The following SLCO1A2 variants were observed in gnomAD, a reference collection of about 807,000 sequenced individuals.
SLCO1A2 encodes solute carrier organic anion transporter family member 1A2.
In SLCO1A2, 67 loss-of-function variants were observed where a neutral mutation model predicts 69.0. The ratio of observed to expected loss-of-function variants is 0.97; its 90% CI spans 0.80 to 1.19. The LOEUF is 1.19. Ranked by LOEUF, SLCO1A2 falls within the 50% of genes most tolerant of loss-of-function variation. SLCO1A2 has a pLI of 0.00. For missense variants in SLCO1A2, 787 were observed against 793.7 expected, an observed-to-expected ratio of 0.99 and a Z score of 0.10; for synonymous variants, 260 against 265.9, an observed-to-expected ratio of 0.98 and a Z score of 0.22.
intron 2 of SLCO1A2, among the ~76,000 whole-genome samples, chr12:21,350,383 A>T (rs564125276): frequency 2.6e-5 from 4 of 152,262 alleles, no homozygotes; most frequent in African/African-American, 9.6e-5. Context: ...TATTTTATAC[A>T]AATACAATAA....
rs185164011 is a variant in SLCO1A2, at chr12:21,388,476, C to G, written c.-190+6430G>C. Reference sequence around the variant, plus strand: ...TCTGATGATTGTATAAAGGGCAGTTCCTTTGTACTTTTCTCTTGCCTGCCA... The same window carrying G: ...TCTGATGATTGTATAAAGGGCAGTTGCTTTGTACTTTTCTCTTGCCTGCCA... On this transcript the variant is annotated intron_variant, in intron 1 of 15. Coordinates refer to the SLCO1A2 transcript ENST00000307378. Among the ~76,000 whole-genome samples the G allele has an allele frequency of 3.3e-3, 507 of 152,128 alleles. 3 individuals carry two copies. Among genetic ancestry groups the G allele is most frequent in the African/African-American group, 0.011 (463 of 41,480 alleles).
intron 8 of SLCO1A2, among the ~76,000 whole-genome samples, chr12:21,298,380 G>C (rs1296166109): frequency 1.3e-5 from 2 of 152,008 alleles, no homozygotes; most frequent in African/African-American, 2.4e-5. Context: ...AAATGTTCTT[G>C]GTCACACTGC....
At chr12:21,370,109 C>G (rs954528237) in intron 2 of SLCO1A2, among the ~76,000 whole-genome samples, 1 of 152,084 alleles carries the variant, frequency 6.6e-6, no homozygotes, top group Admixed American at 6.5e-5. Context: ...AAACAAATAT[C>G]CTGGATCAGA....
upstream of SLCO1A2, among the ~76,000 whole-genome samples, chr12:21,336,579 T>C (rs1349792133): frequency 1.3e-5 from 2 of 152,060 alleles, no homozygotes; most frequent in African/African-American, 4.8e-5. Context: ...TTCCAACTTA[T>C]ATGATGAAAA....
chr12:21,318,008 G>GAA (rs199577219), intron 3 of SLCO1A2, among the ~76,000 whole-genome samples: 3 of 150,806 alleles, frequency 2.0e-5, no homozygotes, highest in Non-Finnish European at 3.0e-5. Context: ...TCTGTACTTA[G>GAA]AAAAAAAAAT....
intron 2 of SLCO1A2, among the ~76,000 whole-genome samples, chr12:21,359,639 C>T (rs923006387): frequency 3.3e-5 from 5 of 151,852 alleles, no homozygotes; most frequent in African/African-American, 7.2e-5. Context: ...CCCAGCTACT[C>T]GGGAGGCTGA....
intron 1 of SLCO1A2, among the ~76,000 whole-genome samples, chr12:21,387,735 A>G (rs10770804): frequency 0.26 from 39,749 of 152,118 alleles, 5,565 homozygotes; most frequent in East Asian, 0.47. Context: ...TCCCCAATGG[A>G]ATACTGCCTA....
chr12:21,413,390 C>T (rs1016520213), intron 1 of SLCO1A2, among the ~76,000 whole-genome samples: 8 of 151,476 alleles, frequency 5.3e-5, no homozygotes, highest in African/African-American at 7.3e-5. Context: ...TACAGGCGCG[C>T]GCCACCATGC....
At chr12:21,327,393 G>A (rs757221613) in intron 2 of SLCO1A2, among the ~76,000 whole-genome samples, 1 of 152,186 alleles carries the variant, frequency 6.6e-6, no homozygotes, top group Non-Finnish European at 1.5e-5. Context: ...GCTGTGAGAA[G>A]AGGGCCACCA....
chr12:21,356,185 T>G (rs1938350367), intron 2 of SLCO1A2, among the ~76,000 whole-genome samples: 1 of 152,032 alleles, frequency 6.6e-6, no homozygotes, highest in African/African-American at 2.4e-5. Flanking sequence ...TCACCATATA[T>G]TTTTAAATGA....
At chr12:21,325,887 G>C (rs1253227198) in intron 2 of SLCO1A2, among the ~76,000 whole-genome samples, 1 of 152,126 alleles carries the variant, frequency 6.6e-6, no homozygotes, top group African/African-American at 2.4e-5. Flanking sequence ...TGATCAGTCT[G>C]TGATTCTGTG....
intron 2 of SLCO1A2, among the ~76,000 whole-genome samples, chr12:21,327,188 G>T (rs1952304421): frequency 6.6e-6 from 1 of 152,188 alleles, no homozygotes; most frequent in Non-Finnish European, 1.5e-5. Context: ...GCCTGCAGGT[G>T]CATAAAAGTA....
At chr12:21,409,737 A>C (rs988319968) in intron 1 of SLCO1A2, among the ~76,000 whole-genome samples, 4 of 152,186 alleles carry the variant, frequency 2.6e-5, no homozygotes, top group Non-Finnish European at 5.9e-5. Flanking sequence ...CTTTGAAAAC[A>C]ACCTCTGAGA....
intron 2 of SLCO1A2, among the ~76,000 whole-genome samples, chr12:21,329,907 G>A (rs1448318668): frequency 6.6e-6 from 1 of 151,332 alleles, no homozygotes; most frequent in East Asian, 1.9e-4. Flanking sequence ...ATGACTTTAA[G>A]ATGTTAAACT....
At chr12:21,368,622 G>C (rs1180938802) in intron 2 of SLCO1A2, among the ~76,000 whole-genome samples, 1 of 152,096 alleles carries the variant, frequency 6.6e-6, no homozygotes, top group African/African-American at 2.4e-5. Context: ...AAAATGTACA[G>C]TTAAAATTAT....
At chr12:21,383,830 A>T (rs559878934) in intron 1 of SLCO1A2, among the ~76,000 whole-genome samples, 1 of 152,264 alleles carries the variant, frequency 6.6e-6, no homozygotes, top group South Asian at 2.1e-4. Flanking sequence ...GAGGTGAAGG[A>T]TGTATGAGTC....
intron 4 of SLCO1A2, among the ~76,000 whole-genome samples, chr12:21,307,822 G>T (rs756172494): frequency 6.6e-6 from 1 of 152,120 alleles, no homozygotes; most frequent in Non-Finnish European, 1.5e-5. Flanking sequence ...TGTTATGCTT[G>T]GATGCCACTG....
upstream of SLCO1A2, among the ~76,000 whole-genome samples, chr12:21,338,302 T>A (rs1450514134): frequency 1.3e-5 from 2 of 151,902 alleles, no homozygotes; most frequent in Non-Finnish European, 2.9e-5. Flanking sequence ...TCTTGCTAAG[T>A]CTGTTTGGAG....
intron 14 of SLCO1A2, among the ~76,000 whole-genome samples, chr12:21,271,454 A>G (rs1439088533): frequency 7.0e-6 from 1 of 142,410 alleles, no homozygotes; most frequent in Non-Finnish European, 1.5e-5. Context: ...AATTATTCTT[A>G]TTTGAGATAG....
Sources: gnomAD v4.1 joint callset for allele counts (sites outside exome capture counted in the v4.1 genomes callset) on GRCh38, gnomAD v4.1.1 for gene constraint, MANE v1.5 for transcripts, NCBI Gene and HGNC (gene_info 2026-07-23, HGNC 2026-07-21) for gene names.